The following RXRA variants were observed in gnomAD, a reference collection of about 807,000 sequenced individuals.
RXRA encodes the protein retinoic acid receptor RXR-alpha.
In RXRA, 5 loss-of-function variants were observed where a neutral mutation model predicts 44.5. The observed-to-expected ratio is 0.11, with a 90% CI of 0.06 to 0.24. The LOEUF (loss-of-function observed/expected upper bound fraction) is 0.24, where lower values mean the gene tolerates loss of function less well. Ranked by LOEUF, RXRA falls within the 10% of genes least tolerant of loss-of-function variation. The pLI is 1.00. For synonymous variants in RXRA, 291 were observed against 271.4 expected (o/e 1.07, Z -0.71); for missense variants, 412 against 646.5 (o/e 0.64, Z 3.93).
At chr9:134,350,079 G>C (rs532699698) in intron 1 of RXRA, among the ~76,000 whole-genome samples, 86 of 152,082 alleles carry the variant, frequency 5.7e-4, no homozygotes, top group African/African-American at 1.8e-3. Flanking sequence ...TGTGTGTAGG[G>C]GGGGGTGGAA....
At chr9:134,334,263 C>T (rs545457430) in intron 1 of RXRA, among the ~76,000 whole-genome samples, 16 of 152,364 alleles carry the variant, frequency 1.1e-4, no homozygotes, top group Middle Eastern at 3.4e-3. Flanking sequence ...GCACCCAGTA[C>T]AGGTATGCAG....
chr9:134,381,616 C>T (rs1167007756), intron 1 of RXRA, among the ~76,000 whole-genome samples: 2 of 152,074 alleles, frequency 1.3e-5, no homozygotes, highest in East Asian at 1.9e-4. Context: ...TCCATGGCCA[C>T]AAGGCCCCTC....
chr9:134,420,445 C>T (rs1831310255), intron 5 of RXRA, among the ~76,000 whole-genome samples: 1 of 152,196 alleles, frequency 6.6e-6, no homozygotes, highest in Non-Finnish European at 1.5e-5. Flanking sequence ...CGAGGGATCC[C>T]ACCCCTGTGT....
At chr9:134,328,653 C>T (rs566728187) in intron 1 of RXRA, among the ~76,000 whole-genome samples, 2 of 152,356 alleles carry the variant, frequency 1.3e-5, no homozygotes, top group South Asian at 2.1e-4. Context: ...ATTTAAGCGG[C>T]TACTTTTCTA....
rs782245428 is a variant in RXRA, at chr9:134,342,283, C to T, written c.28+15624C>T. On this transcript the variant is annotated intron_variant, in intron 1 of 9. Transcript: ENST00000481739. The surrounding 1 kb of genome is among the most constrained non-coding windows in gnomAD (Gnocchi z 4.4). ...GCAAGCCACAGTGCACCAGGTGCCC[C>T]GGTACCAGCTTGTGCCAAGCCCATT... Among the ~76,000 whole-genome samples, 13 of 152,150 alleles carry T rather than the reference C, an allele frequency of 8.5e-5. No individual in the cohort carries two copies. Among genetic ancestry groups the T allele is most frequent in the African/African-American group, 2.4e-4 (10 of 41,504 alleles).
intron 1 of RXRA, among the ~76,000 whole-genome samples, chr9:134,394,106 C>CGGTGGT (rs897188314): frequency 6.9e-4 from 1 of 1,458 alleles, no homozygotes; most frequent in South Asian, 0.023. Flanking sequence ...GTGATGGTGA[C>CGGTGGT]GGTGGTGGTG....
At chr9:134,348,520 G>A (rs1156385539) in intron 1 of RXRA, among the ~76,000 whole-genome samples, 1 of 151,624 alleles carries the variant, frequency 6.6e-6, no homozygotes, top group Non-Finnish European at 1.5e-5. Flanking sequence ...AGATGGGGAG[G>A]CCAGTCACGG....
At chr9:134,372,950 G>A (rs1564274310) in intron 1 of RXRA, among the ~76,000 whole-genome samples, 2 of 152,222 alleles carry the variant, frequency 1.3e-5, no homozygotes, top group African/African-American at 4.8e-5. Flanking sequence ...TTGCAGAGCT[G>A]CGGTAGGCCA....
chr9:134,362,527 T>C (rs969641485), intron 1 of RXRA, among the ~76,000 whole-genome samples: 4 of 152,350 alleles, frequency 2.6e-5, no homozygotes, highest in Non-Finnish European at 2.9e-5. Context: ...GTCTGCCTCG[T>C]GGTCACAGCA....
chr9:134,339,753 G>C (rs564912036), intron 1 of RXRA, among the ~76,000 whole-genome samples: 1 of 149,944 alleles, frequency 6.7e-6, no homozygotes, highest in African/African-American at 2.5e-5. Context: ...GAGATCCCGT[G>C]TGTGTCTGTG....
chr9:134,341,079 A>G (rs554160096), intron 1 of RXRA, among the ~76,000 whole-genome samples: 12 of 152,140 alleles, frequency 7.9e-5, no homozygotes, highest in Non-Finnish European at 1.5e-4. Flanking sequence ...GAGTGAGAGC[A>G]CAGATGGGAG....
chr9:134,432,043 G>C, intron 8 of RXRA, 47 bp downstream of exon 8: 1 of 1,475,278 alleles, frequency 6.8e-7, no homozygotes, highest in Non-Finnish European at 9.5e-7. Context: ...CTCTGGTGGG[G>C]CAGAGGTGCC....
chr9:134,378,931 C>T (rs1326285582), intron 1 of RXRA, among the ~76,000 whole-genome samples: 1 of 152,218 alleles, frequency 6.6e-6, no homozygotes, highest in Non-Finnish European at 1.5e-5. Flanking sequence ...CTGCTTCATC[C>T]TGTGCCCGGA....
chr9:134,353,789 G>C (rs1158985880), intron 1 of RXRA, among the ~76,000 whole-genome samples: 1 of 152,230 alleles, frequency 6.6e-6, no homozygotes, highest in Admixed American at 6.5e-5. Context: ...GTCCCGTTGG[G>C]GCCGTGCCTG....
chr9:134,432,419 C>T (rs1223711427), intron 8 of RXRA, among the ~76,000 whole-genome samples: 3 of 152,222 alleles, frequency 2.0e-5, no homozygotes, highest in East Asian at 1.9e-4. Context: ...GGACCAACCT[C>T]ATCCCCAAGC....
At chr9:134,391,213 C>T (rs1348793927) in intron 1 of RXRA, among the ~76,000 whole-genome samples, 2 of 152,140 alleles carry the variant, frequency 1.3e-5, no homozygotes, top group East Asian at 3.9e-4. Flanking sequence ...CCCGACTGAA[C>T]CATCGTGTTG....
At chr9:134,346,926 G>A (rs1407233010) in intron 1 of RXRA, among the ~76,000 whole-genome samples, 1 of 152,226 alleles carries the variant, frequency 6.6e-6, no homozygotes, top group Non-Finnish European at 1.5e-5. Flanking sequence ...GGGAGGGCAA[G>A]GCTGGTGGGG....
At chr9:134,386,562 C>T (rs1034223975) in intron 1 of RXRA, among the ~76,000 whole-genome samples, 19 of 152,216 alleles carry the variant, frequency 1.2e-4, no homozygotes, top group Admixed American at 3.3e-4. Context: ...ACACCCCGCT[C>T]CGTGGAGCAT....
intron 6 of RXRA, chr9:134,425,578 G>A (rs773666588): frequency 0.062 from 18,571 of 298,922 alleles, 348 homozygotes; most frequent in Non-Finnish European, 0.075. Flanking sequence ...GGGGTGGGGG[G>A]AATGGAAGTG....
Sources: gnomAD v4.1 joint callset for allele counts (sites outside exome capture counted in the v4.1 genomes callset) on GRCh38, gnomAD v4.1.1 for gene constraint, Gnocchi (gnomAD v3.1) non-coding constraint, MANE v1.5 for transcripts, NCBI Gene and HGNC (gene_info 2026-07-23, HGNC 2026-07-21) for gene names.